Variants in ABCA4 observed in about 807,000 individuals in gnomAD.
The protein encoded by ABCA4 is retinal-specific phospholipid-transporting ATPase ABCA4.
A neutral mutation model predicts 263.7 loss-of-function variants in ABCA4; 196 were observed. That is an observed-to-expected ratio of 0.74 (90% CI 0.66 to 0.84). ABCA4 has a LOEUF of 0.84. ABCA4 is among the 40% of genes least tolerant of loss of function. The pLI is 0.00. For missense variants in ABCA4, 2,792 were observed against 2,855.1 expected, an observed-to-expected ratio of 0.98 and a Z score of 0.50; for synonymous variants, 1,133 against 1,094.2, an observed-to-expected ratio of 1.04 and a Z score of -0.70.
chr1:94,099,937 T>C (rs1183170386), intron 5 of ABCA4, among the ~76,000 whole-genome samples: 1 of 152,122 alleles, frequency 6.6e-6, no homozygotes, highest in Non-Finnish European at 1.5e-5. Context: ...GCCTGGACCT[T>C]GGCCAGGGAC....
intron 18 of ABCA4, among the ~76,000 whole-genome samples, chr1:94,048,261 G>A (rs1300223824): frequency 6.6e-6 from 1 of 152,184 alleles, no homozygotes; most frequent in African/African-American, 2.4e-5. Flanking sequence ...GTATGCTTAG[G>A]GAATGAAAAG....
At chr1:94,070,221 C>T (rs910535983) in intron 11 of ABCA4, among the ~76,000 whole-genome samples, 2 of 152,200 alleles carry the variant, frequency 1.3e-5, no homozygotes, top group East Asian at 3.8e-4. Context: ...ACTTGAACTG[C>T]AGTTTGGGTT....
chr1:94,032,139 C>T (rs1036053707), intron 26 of ABCA4, 96 bp from the exon 27 acceptor site: 1 of 1,472,010 alleles, frequency 6.8e-7, no homozygotes, highest in South Asian at 1.2e-5. Flanking sequence ...TGATTTTCCT[C>T]TTCATTTAAG....
chr1:94,029,447 G>C lies in ABCA4; in HGVS notation c.4537C>G (p.Gln1513Glu), dbSNP rs759373898. Residue 1513 changes from glutamine (Q) to glutamate (E), a missense_variant and splice_region_variant, in exon 30 of 50, where the codon CAG becomes GAG. Physicochemically the swap from Gln to Glu is conservative, Grantham distance 29 (BLOSUM62 2). Coordinates refer to ENST00000370225, the MANE Select transcript of ABCA4 (RefSeq NM_000350.3). ...PEGAGGLPPP[Q>E]RTQRSTEILQ... Reference sequence around the variant, plus strand: ...CCCGTTGTTTGGAGGTCAGGTACCTGGGGGGGCGGGAGGCCCCCGGCACCC... The same window carrying C: ...CCCGTTGTTTGGAGGTCAGGTACCTCGGGGGGCGGGAGGCCCCCGGCACCC... 8 of 1,548,894 alleles carry C rather than the reference G, an allele frequency of 5.2e-6. No individual in the cohort carries two copies. In the Admixed American group the frequency reaches 1.4e-4, roughly 27 times the overall value.
chr1:93,995,978 G>T, intron 49 of ABCA4, 131 bp downstream of exon 49: 1 of 750,656 alleles, frequency 1.3e-6, no homozygotes, highest in South Asian at 1.5e-5. Flanking sequence ...ACTTGGTAGG[G>T]ACCGTGGTGT....
chr1:94,077,929 C>T (rs2101101558), intron 10 of ABCA4, 42 bp from the exon 11 acceptor site: 3 of 1,572,884 alleles, frequency 1.9e-6, no homozygotes, highest in Non-Finnish European at 2.6e-6. Flanking sequence ...CTTAGAAATT[C>T]CATAGGATCT....
chr1:94,060,592 A>G lies in ABCA4; in HGVS notation c.2105T>C (p.Leu702Pro). 6.2e-7 allele frequency: 1 copy of G among 1,614,220 alleles called. No individual in the cohort carries two copies. The highest frequency in any genetic ancestry group is 8.5e-7 in the Non-Finnish European group (1 of 1,180,042). The part of the protein sequence containing the change: ...SNAVIWCTWF[L>P]DSFSIMSMSI... The stretch of plus-strand genomic sequence containing the variant: ...CATCGACATGATGGAGAAGCTGTCC[A>G]GGAACCAGGTACACCAAATCACTGC... The change falls in exon 14 of 50, where the codon CTG becomes CCG. Residue 702 changes from leucine to proline, a missense_variant. Physicochemically the swap from Leu to Pro is moderately conservative, Grantham distance 98. Transcript: ENST00000370225.
rs754029461 is a variant in ABCA4 at position 94,001,838 on chromosome 1, C to T, written c.6282+20G>A. ...CAGCACTTGGTTTAAGCCCTTGGTG[C>T]GGCCCAAGCCCGCAGTTACCAGCAG... On this transcript the variant is annotated intron_variant, in intron 45 of 49. Transcript: ENST00000370225. 4.3e-6 allele frequency: 7 copies of T among 1,614,146 alleles called. No individual in the cohort carries two copies. In the South Asian group the frequency reaches 4.4e-5, roughly 10 times the overall value.
At chr1:94,068,559 A>G (rs1281452510) in intron 11 of ABCA4, among the ~76,000 whole-genome samples, 5 of 152,252 alleles carry the variant, frequency 3.3e-5, no homozygotes, top group African/African-American at 1.2e-4. Flanking sequence ...GAGATGAATG[A>G]ATAAACTCTC....
At chr1:94,029,215 T>G (rs1300399932) in intron 30 of ABCA4, among the ~76,000 whole-genome samples, 1 of 152,168 alleles carries the variant, frequency 6.6e-6, no homozygotes, top group Non-Finnish European at 1.5e-5. Flanking sequence ...CTAGATCAAA[T>G]AGGAAGTATC....
chr1:93,996,726 C>T (rs1198552441), intron 48 of ABCA4, among the ~76,000 whole-genome samples: 1 of 151,942 alleles, frequency 6.6e-6, no homozygotes, highest in African/African-American at 2.4e-5. Flanking sequence ...CAGAAACAAC[C>T]CAAATGTCTA....
At position 94,001,044 on chromosome 1, in the gene ABCA4, C is replaced by G; in HGVS notation, c.6344G>C (p.Ser2115Thr). Residue 2115 changes from serine (S) to threonine (T), a missense_variant, in exon 46 of 50, where the codon AGC becomes ACC. Physicochemically the swap from Ser to Thr is moderately conservative, Grantham distance 58. Transcript: ENST00000370225. Reference sequence around the variant, plus strand: ...CACAGCCCTCCCTTCTCTGATGATGCTCACGATGACGTTCCACAGCATGCG... The same window carrying G: ...CACAGCCCTCCCTTCTCTGATGATGGTCACGATGACGTTCCACAGCATGCG... ...ARRMLWNVIV[S>T]IIREGRAVVL... The G allele has an allele frequency of 1.9e-6, 3 of 1,614,196 alleles. No individual in the cohort carries two copies. Among genetic ancestry groups the G allele is most frequent in the Non-Finnish European group, 2.5e-6 (3 of 1,180,044 alleles).
intron 6 of ABCA4, among the ~76,000 whole-genome samples, chr1:94,090,328 A>C (rs1044979652): frequency 3.3e-5 from 5 of 152,100 alleles, no homozygotes; most frequent in African/African-American, 7.2e-5. Context: ...TATAATTCTA[A>C]AGTTTTTTCA....
intron 6 of ABCA4, 132 bp from the exon 7 acceptor site, chr1:94,083,573 G>T: frequency 1.5e-6 from 1 of 671,746 alleles, no homozygotes; most frequent in Admixed American, 2.7e-5. Context: ...GATCTTTTCT[G>T]CAAGATTACT....
intron 49 of ABCA4, among the ~76,000 whole-genome samples, chr1:93,993,573 A>C (rs1658924349): frequency 6.6e-6 from 1 of 151,970 alleles, no homozygotes; most frequent in African/African-American, 2.4e-5. Context: ...GGGCTTTTTT[A>C]GCTTAAGAAA....
chr1:94,089,785 T>C (rs1293450093), intron 6 of ABCA4, among the ~76,000 whole-genome samples: 3 of 152,184 alleles, frequency 2.0e-5, no homozygotes, highest in African/African-American at 4.8e-5. Context: ...CTATAGCTTG[T>C]TTCTGGTTAC....
chr1:94,042,765 G>A lies in ABCA4; in HGVS notation c.3324C>T (p.Arg1108=). The A allele has an allele frequency of 1.2e-6, 2 of 1,614,204 alleles. No homozygotes were observed. Among genetic ancestry groups the A allele is most frequent in the African/African-American group, 1.3e-5 (1 of 75,054 alleles). The stretch of plus-strand genomic sequence containing the variant: ...AGACTGAGCAGCAGCTGTTACCTGA[G>A]CGATACTTCAGGAGCAGATCCCAGA... ...RSIWDLLLKY[R]SGRTIIMSTH... is the part of the protein sequence containing the mutation. The change falls in exon 22 of 50, where the codon CGC becomes CGT. Residue 1108 remains arginine (R), a synonymous_variant. Transcript: ENST00000370225.
chr1:94,102,484 C>T (rs960058591), intron 5 of ABCA4, among the ~76,000 whole-genome samples: 2 of 151,918 alleles, frequency 1.3e-5, no homozygotes, highest in African/African-American at 4.8e-5. Context: ...CCTTCCTGAG[C>T]ATCCCCCTTA....
chr1:94,041,789 G>C (rs1302583306), intron 22 of ABCA4, among the ~76,000 whole-genome samples: 1 of 152,138 alleles, frequency 6.6e-6, no homozygotes, highest in African/African-American at 2.4e-5. Context: ...TCACTAACTG[G>C]AGATGTCATT....
Sources: gnomAD v4.1 joint callset for allele counts (sites outside exome capture counted in the v4.1 genomes callset) on GRCh38, gnomAD v4.1.1 for gene constraint, MANE v1.5 for transcripts, NCBI Gene and HGNC (gene_info 2026-07-23, HGNC 2026-07-21) for gene names.